FGFR2: variants seen among roughly 807,000 people sequenced by gnomAD.
FGFR2 encodes fibroblast growth factor receptor 2, also known as BEK fibroblast growth factor receptor.
FGFR2 carries 19 observed loss-of-function variants against 95.9 expected under a neutral mutation model. The ratio of observed to expected loss-of-function variants is 0.20; its 90% CI spans 0.14 to 0.29. The LOEUF is 0.29. Ranked by LOEUF, FGFR2 falls within the 10% of genes least tolerant of loss-of-function variation. The pLI, the probability that FGFR2 is intolerant of heterozygous loss-of-function variation, is 1.00. For synonymous variants in FGFR2, 392 were observed against 393.3 expected (o/e 1.00, Z 0.04); for missense variants, 707 against 1,056.9 (o/e 0.67, Z 4.59).
chr10:121,582,168 G>A (rs1861037929), intron 2 of FGFR2, among the ~76,000 whole-genome samples: 1 of 151,920 alleles, frequency 6.6e-6, no homozygotes, highest in African/African-American at 2.4e-5. Flanking sequence ...CTCACCTCAT[G>A]ATCCGCCCAC....
Position 121,479,762 on chromosome 10 carries a change from A to G in FGFR2, c.*95T>C, listed in dbSNP as rs1048391923. On this transcript the variant is annotated 3_prime_UTR_variant, in exon 18 of 18. Transcript: ENST00000358487. Reference sequence around the variant, plus strand: ...TTTACTCCTCTGATCCATATATACAAGTGGAGACAACAAGCTCTGGGAGGC... The same window carrying G: ...TTTACTCCTCTGATCCATATATACAGGTGGAGACAACAAGCTCTGGGAGGC... 2.8e-5 allele frequency: 45 copies of G among 1,612,856 alleles called. No homozygotes were observed. The highest frequency in any genetic ancestry group is 3.5e-5 in the Non-Finnish European group (41 of 1,179,054).
chr10:121,525,816 C>CT (rs2134405058), intron 6 of FGFR2, among the ~76,000 whole-genome samples: 1 of 152,280 alleles, frequency 6.6e-6, no homozygotes, highest in Admixed American at 6.5e-5. Flanking sequence ...GCCGAGAGGC[C>CT]TCATGTCTAC....
chr10:121,528,194 G>C (rs1851639337), intron 6 of FGFR2, among the ~76,000 whole-genome samples: 1 of 152,144 alleles, frequency 6.6e-6, no homozygotes, highest in Non-Finnish European at 1.5e-5. Flanking sequence ...TAAAATGTTT[G>C]ACTGAAATCT....
At position 121,561,406 on chromosome 10, in the gene FGFR2, A is replaced by G. The variant is rs752355565; in HGVS notation, c.454+3096T>C. Among the ~76,000 whole-genome samples, 376 of 151,286 alleles carry G rather than the reference A, an allele frequency of 2.5e-3. 2 individuals are homozygous for G. Among genetic ancestry groups the G allele is most frequent in the Non-Finnish European group, 3.6e-3 (242 of 67,768 alleles). On this transcript the variant is annotated intron_variant, in intron 4 of 17. Coordinates refer to ENST00000358487, the MANE Select transcript of FGFR2 (RefSeq NM_000141.5). ...ACCATTGCGCTCCAGCCTGGGCAACAAGAGCGAAACTCCCATCTCAAAAAA... is the reference window on the plus strand; with the variant it reads ...ACCATTGCGCTCCAGCCTGGGCAACGAGAGCGAAACTCCCATCTCAAAAAA...
intron 4 of FGFR2, among the ~76,000 whole-genome samples, chr10:121,558,969 G>C (rs1856566254): frequency 6.6e-6 from 1 of 151,998 alleles, no homozygotes. Flanking sequence ...AAACACTCTA[G>C]CAGGCAGCTG....
Position 121,564,585 on chromosome 10 carries a change from T to C in FGFR2, c.377-6A>G, listed in dbSNP as rs1447764550. The C allele has an allele frequency of 1.9e-6, 3 of 1,613,640 alleles. No individual in the cohort carries two copies. Among genetic ancestry groups the C allele is most frequent in the Non-Finnish European group, 1.7e-6 (2 of 1,179,720 alleles). ...ATCTCCGGATGAGATGGCATCTGTA[T>C]GCAAAAGAACATATTCCATGGATGT... is the stretch of plus-strand genomic sequence containing the variant. On this transcript the variant is annotated splice_region_variant and splice_polypyrimidine_tract_variant and intron_variant, in intron 3 of 17. Coordinates refer to ENST00000358487, the MANE Select transcript of FGFR2 (RefSeq NM_000141.5).
chr10:121,591,726 A>G (rs529630621), intron 2 of FGFR2, among the ~76,000 whole-genome samples: 1 of 152,108 alleles, frequency 6.6e-6, no homozygotes, highest in South Asian at 2.1e-4. Flanking sequence ...GAAACTATAA[A>G]CCCATAAAAA....
rs141122123 is a variant in FGFR2 at position 121,529,350 on chromosome 10, T to C, written c.749-9181A>G. The stretch of plus-strand genomic sequence containing the variant: ...GTCTCAAACTCCTGATCTCAAATGA[T>C]CCACCTGCCTCAGCCTCTCAAAGTA... On this transcript the variant is annotated intron_variant, in intron 6 of 17. Transcript: ENST00000358487. Among the ~76,000 whole-genome samples the C allele has an allele frequency of 1.4e-3, 218 of 152,296 alleles. 2 individuals are homozygous for C. Among genetic ancestry groups the C allele is most frequent in the African/African-American group, 4.9e-3 (205 of 41,562 alleles).
rs3135815 is a variant in FGFR2, at chr10:121,482,502, C to T, written c.2301+1196G>A. On this transcript the variant is annotated intron_variant, in intron 17 of 17. Coordinates refer to ENST00000358487, the MANE Select transcript of FGFR2 (RefSeq NM_000141.5). ...AGTGTATTATTTTCCTTCTAAAATA[C>T]TTGGGGGACTTTAACTTTTTTCTTG... Among the ~76,000 whole-genome samples, 399 of 152,264 alleles carry T rather than the reference C, an allele frequency of 2.6e-3. 1 individual carries two copies. Among genetic ancestry groups the T allele is most frequent in the Non-Finnish European group, 4.5e-3 (307 of 68,016 alleles).
At chr10:121,495,713 C>T (rs974797976) in intron 13 of FGFR2, among the ~76,000 whole-genome samples, 5 of 152,154 alleles carry the variant, frequency 3.3e-5, no homozygotes, top group Admixed American at 1.3e-4. Flanking sequence ...AGAGGGTGCA[C>T]GCCGACCAGA....
At chr10:121,519,094 T>C (rs1850131525) in intron 7 of FGFR2, among the ~76,000 whole-genome samples, 1 of 152,208 alleles carries the variant, frequency 6.6e-6, no homozygotes, top group Non-Finnish European at 1.5e-5. Flanking sequence ...CCCAATGCCT[T>C]TGATCCTTGG....
rs369946351 is a variant in FGFR2 at position 121,558,838 on chromosome 10, C to G, written c.454+5664G>C. Among the ~76,000 whole-genome samples the G allele has an allele frequency of 4.0e-3, 605 of 152,078 alleles. 4 individuals carry two copies. The highest frequency in any genetic ancestry group is 0.014 in the African/African-American group (586 of 41,514). ...TCCTGACCTTGTGATCCGCCTGCCT[C>G]GGCCTCCCAAAGTACTGGGATTACA... On this transcript the variant is annotated intron_variant, in intron 4 of 17. Coordinates refer to ENST00000358487, the MANE Select transcript of FGFR2 (RefSeq NM_000141.5).
rs139611679 is a variant in FGFR2, at chr10:121,539,242, T to G, written c.625-527A>C. 2.1e-3 allele frequency among the ~76,000 whole-genome samples: 316 copies of G among 152,388 alleles called. 1 individual carries two copies. Among genetic ancestry groups the G allele is most frequent in the African/African-American group, 7.1e-3 (294 of 41,604 alleles). ...TCATAGTTCTCAGATGTTGTCTGGA[T>G]GTCTCAAGAAGTTTCAGCTGGGAAC... On this transcript the variant is annotated intron_variant, in intron 5 of 17. Coordinates refer to ENST00000358487, the MANE Select transcript of FGFR2 (RefSeq NM_000141.5).
rs1400354610 is a variant in FGFR2 at position 121,500,922 on chromosome 10, C to T, written c.1465G>A (p.Glu489Lys). The T allele has an allele frequency of 6.2e-7, 1 of 1,614,194 alleles. No individual in the cohort carries two copies. Among genetic ancestry groups the T allele is most frequent in the Admixed American group, 1.7e-5 (1 of 60,028 alleles). ...DKLTLGKPLG[E>K]GCFGQVVMAE... ...ATGACCACTTGCCCAAAGCAACCTT[C>T]TCCCAGGGGCTTGCCCAGTGTCAGC... Residue 489 changes from glutamate to lysine, a missense_variant, in exon 11 of 18, where the codon GAA (glutamate) becomes AAA (lysine). This residue lies in a region of FGFR2 where 194 missense variants were observed against 267.3 expected (regional missense o/e 0.73). Transcript: ENST00000358487.
intron 5 of FGFR2, among the ~76,000 whole-genome samples, chr10:121,540,902 A>C (rs1853642949): frequency 6.6e-6 from 1 of 152,154 alleles, no homozygotes; most frequent in Admixed American, 6.5e-5. Context: ...AATGGAGCTG[A>C]ACCTGAACTG....
intron 2 of FGFR2, among the ~76,000 whole-genome samples, chr10:121,572,944 TA>T (rs1156706781): frequency 6.6e-6 from 1 of 152,236 alleles, no homozygotes; most frequent in Non-Finnish European, 1.5e-5. Context: ...GGAAATCTTG[TA>T]AAAGTCAAAA....
intron 4 of FGFR2, among the ~76,000 whole-genome samples, chr10:121,561,896 C>G (rs1857038039): frequency 6.6e-6 from 1 of 152,222 alleles, no homozygotes; most frequent in Non-Finnish European, 1.5e-5. Flanking sequence ...TAACAGACAT[C>G]TCACCAAAGA....
At chr10:121,597,701 AG>A (rs1021337843) in intron 1 of FGFR2, among the ~76,000 whole-genome samples, 1 of 152,200 alleles carries the variant, frequency 6.6e-6, no homozygotes, top group Admixed American at 6.5e-5. Context: ...TTTGACAGGG[AG>A]GGGGGCGTCA....
intron 2 of FGFR2, among the ~76,000 whole-genome samples, chr10:121,578,455 T>C (rs569981070): frequency 1.1e-4 from 17 of 152,190 alleles, no homozygotes; most frequent in Non-Finnish European, 2.2e-4. Context: ...GTTCAGCCTC[T>C]AGGACATGCA....
Sources: allele counts gnomAD v4.1 joint callset (sites outside exome capture counted in the v4.1 genomes callset), GRCh38; gene constraint gnomAD v4.1.1; regional missense constraint gnomAD v4.1.1; transcripts MANE v1.5; gene names NCBI Gene and HGNC (gene_info 2026-07-23, HGNC 2026-07-21).